ATP2A2: variants seen among roughly 807,000 people sequenced by gnomAD.
ATP2A2 encodes ATPase sarcoplasmic/endoplasmic reticulum Ca2+ transporting 2.
Under a neutral mutation model 109.3 loss-of-function variants are expected in ATP2A2, and 14 were observed. The observed-to-expected ratio is 0.13, with a 90% CI of 0.08 to 0.20. The LOEUF (loss-of-function observed/expected upper bound fraction) is 0.20, where lower values mean the gene tolerates loss of function less well. Ranked by LOEUF, ATP2A2 falls within the 10% of genes least tolerant of loss-of-function variation. ATP2A2 has a pLI of 1.00. For missense variants in ATP2A2, 657 were observed against 1,321.6 expected, an observed-to-expected ratio of 0.50 and a Z score of 7.80; for synonymous variants, 506 against 490.9, an observed-to-expected ratio of 1.03 and a Z score of -0.41.
Position 110,346,595 on chromosome 12 carries a change from C to G in ATP2A2, c.*125C>G. The G allele has an allele frequency of 2.0e-6, 3 of 1,518,210 alleles. No homozygotes were observed. Among genetic ancestry groups the G allele is most frequent in the Non-Finnish European group, 2.6e-6 (3 of 1,140,154 alleles). The allele number at this position is 1,518,210 out of a possible 1,614,324, so 94.0% of individuals were successfully genotyped here. A position where few individuals can be genotyped will look rare whatever the true frequency, so the allele number is the denominator to read the frequency against. The stretch of plus-strand genomic sequence containing the variant: ...TGGCTGGTGATGGAGGTTTCATACT[C>G]TAGATTTTGTTTTGCTTTTTCTGAC... On this transcript the variant is annotated 3_prime_UTR_variant, in exon 20 of 20. Coordinates refer to ENST00000539276, the MANE Select transcript of ATP2A2 (RefSeq NM_170665.4).
intron 3 of ATP2A2, among the ~76,000 whole-genome samples, chr12:110,288,678 T>C (rs1198429125): frequency 6.6e-6 from 1 of 152,218 alleles, no homozygotes; most frequent in African/African-American, 2.4e-5. Flanking sequence ...GTGCTGTGAT[T>C]ACAGGTGTGA....
intron 7 of ATP2A2, 71 bp downstream of exon 7, chr12:110,326,546 C>G (rs1877821696): frequency 7.4e-7 from 1 of 1,353,698 alleles, no homozygotes; most frequent in Non-Finnish European, 1.0e-6. Flanking sequence ...ATGTTTTTCA[C>G]TGCCAACCAT....
intron 11 of ATP2A2, among the ~76,000 whole-genome samples, chr12:110,336,645 G>A (rs917274582): frequency 3.3e-5 from 5 of 152,184 alleles, no homozygotes; most frequent in African/African-American, 1.2e-4. Context: ...GTTAGTGTGA[G>A]GCAGCATTTT....
chr12:110,335,333 A>G (rs1225756933), intron 11 of ATP2A2, among the ~76,000 whole-genome samples: 1 of 152,220 alleles, frequency 6.6e-6, no homozygotes, highest in Non-Finnish European at 1.5e-5. Context: ...TCTCCTCAAA[A>G]GACTGGTCCC....
In ATP2A2 at chr12:110,341,432, T is replaced by TA. The variant is rs1033504079; in HGVS notation, c.2097+447dup. Among the ~76,000 whole-genome samples, 125 of 151,554 alleles carry TA rather than the reference T, an allele frequency of 8.2e-4. 1 individual carries two copies. Among genetic ancestry groups the TA allele is most frequent in the Admixed American group, 7.1e-3 (108 of 15,226 alleles). ...ATGTTAAATTTACTTTCTTCTCTTT[T>TA]AAAAAAAAATCTTAGTTTTGAAACA... On this transcript the variant is annotated intron_variant, in intron 14 of 19. Coordinates refer to ENST00000539276, the MANE Select transcript of ATP2A2 (RefSeq NM_170665.4).
At position 110,348,048 on chromosome 12, in the gene ATP2A2, A is replaced by G; in HGVS notation, c.*1578A>G. 1.0e-6 allele frequency: 1 copy of G among 986,548 alleles called. No individual in the cohort carries two copies. Among genetic ancestry groups the G allele is most frequent in the Non-Finnish European group, 1.2e-6 (1 of 830,732 alleles). The allele number at this position is 986,548 out of a possible 1,614,324, so 61.1% of individuals were successfully genotyped here. On this transcript the variant is annotated 3_prime_UTR_variant, in exon 20 of 20. Transcript: ENST00000539276. ...ATGACCAGGAGGGCCCAAGCCAGAC[A>G]AAAGCCGGAGTGGGGAGAGAGGCAT...
chr12:110,345,853 T>A, intron 18 of ATP2A2, 148 bp from the exon 19 acceptor site: 1 of 798,774 alleles, frequency 1.3e-6, no homozygotes, highest in Non-Finnish European at 2.2e-6. Context: ...TCTCTTCAAC[T>A]TTGCCACTGT....
At chr12:110,293,861 T>C (rs1873643096) in intron 4 of ATP2A2, among the ~76,000 whole-genome samples, 1 of 126,596 alleles carries the variant, frequency 7.9e-6, no homozygotes, top group Non-Finnish European at 1.7e-5. Context: ...TGTGTGTGTG[T>C]GTGTATATAT....
intron 5 of ATP2A2, among the ~76,000 whole-genome samples, chr12:110,297,514 G>A (rs1298633218): frequency 1.3e-5 from 2 of 151,672 alleles, no homozygotes; most frequent in Non-Finnish European, 2.9e-5. Flanking sequence ...GAATTCCAGA[G>A]ATAGCTTCAA....
At position 110,340,673 on chromosome 12, in the gene ATP2A2, C is replaced by T. The variant is rs778396057; in HGVS notation, c.1776C>T (p.Phe592=). ...NFIKYETNLT[F]VGCVGMLDPP... is the part of the protein sequence containing the mutation. ...TCTTATTTTAGACCAATCTGACCTT[C>T]GTTGGCTGCGTGGGCATGCTGGATC... Residue 592 remains phenylalanine (F), a synonymous_variant, in exon 14 of 20, where the codon TTC becomes TTT. Transcript: ENST00000539276. This position sits in a 1 kb window ranked among gnomAD's most constrained non-coding sequence, Gnocchi z 6.0. 6.8e-6 allele frequency: 11 copies of T among 1,614,172 alleles called. No individual in the cohort carries two copies. Among genetic ancestry groups the T allele is most frequent in the East Asian group, 2.2e-5 (1 of 44,884 alleles).
intron 8 of ATP2A2, chr12:110,329,470 G>A: frequency 6.5e-6 from 1 of 153,088 alleles, no homozygotes; most frequent in Non-Finnish European, 1.5e-5. Context: ...AGGCTGTAGT[G>A]CAATGGCCCG....
chr12:110,314,257 G>A (rs766541774), intron 5 of ATP2A2, among the ~76,000 whole-genome samples: 37 of 151,824 alleles, frequency 2.4e-4, no homozygotes, highest in African/African-American at 4.8e-5. Context: ...GAACCCAGGA[G>A]GCAGAGTTTG....
At chr12:110,317,598 A>T (rs375594692) in intron 5 of ATP2A2, among the ~76,000 whole-genome samples, 1 of 151,630 alleles carries the variant, frequency 6.6e-6, no homozygotes, top group Admixed American at 6.6e-5. Context: ...GGCTGGTCTC[A>T]AACTCCTGAC....
At chr12:110,319,826 A>G (rs1384030469) in intron 5 of ATP2A2, among the ~76,000 whole-genome samples, 1 of 151,990 alleles carries the variant, frequency 6.6e-6, no homozygotes, top group African/African-American at 2.4e-5. Context: ...GGTCCTACCT[A>G]ATACTGTTAG....
intron 5 of ATP2A2, among the ~76,000 whole-genome samples, chr12:110,299,958 G>C (rs915031772): frequency 1.4e-4 from 22 of 151,818 alleles, no homozygotes; most frequent in Non-Finnish European, 2.6e-4. Context: ...GTTTCTCCAT[G>C]TTGGTCAGGC....
At chr12:110,282,027 G>T in intron 1 of ATP2A2, 120 bp downstream of exon 1, 1 of 737,864 alleles carries the variant, frequency 1.4e-6, no homozygotes, top group Non-Finnish European at 2.0e-6. Flanking sequence ...GCGGGCGGAG[G>T]GTCGGGCCAG....
rs1880249303 is a variant in ATP2A2 at position 110,349,960 on chromosome 12, C to T, written c.*3490C>T. On this transcript the variant is annotated 3_prime_UTR_variant, in exon 20 of 20. Coordinates refer to ENST00000539276, the MANE Select transcript of ATP2A2 (RefSeq NM_170665.4). ...TTCTCCATCAACCTCACCCTCTGCA[C>T]CACTAACCAAGACCTTGTCCTCTTG... The T allele has an allele frequency of 8.0e-7, 1 of 1,244,160 alleles. No individual in the cohort carries two copies. Among genetic ancestry groups the T allele is most frequent in the Non-Finnish European group, 1.0e-6 (1 of 983,252 alleles). 77.1% of individuals were successfully genotyped at this position (1,244,160 alleles called of 1,614,324 possible).
chr12:110,301,146 G>T (rs1438945325), intron 5 of ATP2A2, among the ~76,000 whole-genome samples: 2 of 152,162 alleles, frequency 1.3e-5, no homozygotes, highest in African/African-American at 4.8e-5. Flanking sequence ...GGATTTACAG[G>T]TGTGAGCCAC....
intron 5 of ATP2A2, among the ~76,000 whole-genome samples, chr12:110,300,182 CTCT>C (rs1366625193): frequency 1.1e-5 from 1 of 93,378 alleles, no homozygotes; most frequent in Non-Finnish European, 2.0e-5. Context: ...TTCTCGCTCT[CTCT>C]TTTTTTTTTT....
Sources: allele counts gnomAD v4.1 joint callset (sites outside exome capture counted in the v4.1 genomes callset), GRCh38; gene constraint gnomAD v4.1.1; non-coding constraint Gnocchi (gnomAD v3.1); transcripts MANE v1.5; gene names NCBI Gene and HGNC (gene_info 2026-07-23, HGNC 2026-07-21).